SNX18: variants seen among roughly 807,000 people sequenced by gnomAD.
The protein encoded by SNX18 is sorting nexin-18.
A neutral mutation model predicts 48.7 loss-of-function variants in SNX18; 35 were observed. That is an observed-to-expected ratio of 0.72 (90% confidence interval 0.55 to 0.95). The LOEUF (loss-of-function observed/expected upper bound fraction) is 0.95. Ranked by LOEUF, SNX18 falls within the 40% of genes least tolerant of loss-of-function variation. SNX18 has a pLI of 0.00. For missense variants in SNX18, 824 were observed against 871.0 expected (o/e 0.95, Z 0.68); for synonymous variants, 492 against 384.7 (o/e 1.28, Z -3.26).
At chr5:54,556,414 T>C in the SNX18 span, among the ~76,000 whole-genome samples, 5 of 152,142 alleles carry the variant, frequency 3.3e-5, no homozygotes, top group African/African-American at 1.2e-4. Flanking sequence ...CCCTCCATCT[T>C]TAAAGTCAGC....
At chr5:54,643,186 T>C in the SNX18 span, among the ~76,000 whole-genome samples, 1 of 152,300 alleles carries the variant, frequency 6.6e-6, no homozygotes, top group Admixed American at 6.5e-5. Context: ...CACCAACATG[T>C]TCAGGTAGGA....
At chr5:54,558,536 T>G in the SNX18 span, among the ~76,000 whole-genome samples, 3 of 152,184 alleles carry the variant, frequency 2.0e-5, no homozygotes, top group Non-Finnish European at 4.4e-5. Flanking sequence ...CTGTAAGGGA[T>G]TGGACAAAGG....
At chr5:54,632,956 G>A in the SNX18 span, among the ~76,000 whole-genome samples, 1 of 151,874 alleles carries the variant, frequency 6.6e-6, no homozygotes, top group Non-Finnish European at 1.5e-5. Context: ...TGTATTTTTA[G>A]TAGAGATGGG....
At chr5:54,619,780 TTAAAAG>T in the SNX18 span, among the ~76,000 whole-genome samples, 1 of 152,030 alleles carries the variant, frequency 6.6e-6, no homozygotes, top group African/African-American at 2.4e-5. Context: ...ACTTTGGTAT[TTAAAAG>T]GGAAAGAGCA....
At chr5:54,524,367 G>T (rs1421658837) in intron 1 of SNX18, among the ~76,000 whole-genome samples, 1 of 152,132 alleles carries the variant, frequency 6.6e-6, no homozygotes, top group Non-Finnish European at 1.5e-5. Flanking sequence ...GGGACCGAAG[G>T]GAGGCAGAGG....
the SNX18 span, among the ~76,000 whole-genome samples, chr5:54,585,826 A>T: frequency 2.0e-5 from 3 of 151,418 alleles, no homozygotes; most frequent in East Asian, 3.9e-4. Context: ...ACATGGTGAA[A>T]CCCCGTCTCT....
the SNX18 span, among the ~76,000 whole-genome samples, chr5:54,646,887 C>T: frequency 6.6e-6 from 1 of 152,160 alleles, no homozygotes; most frequent in Admixed American, 6.5e-5. Context: ...TTCAACAGGC[C>T]TCCTGTTGTG....
At chr5:54,576,598 C>T in the SNX18 span, among the ~76,000 whole-genome samples, 424 of 152,300 alleles carry the variant, frequency 2.8e-3, no homozygotes, top group Middle Eastern at 0.014. Flanking sequence ...ATGGTGTCAA[C>T]GTTTCTTATG....
chr5:54,520,301 C>G (rs1349555921), intron 1 of SNX18: 1 of 178,202 alleles, frequency 5.6e-6, no homozygotes, highest in Non-Finnish European at 1.4e-5. Flanking sequence ...GTCCAACTAT[C>G]AGAGTTCATG....
At chr5:54,564,611 C>T in the SNX18 span, among the ~76,000 whole-genome samples, 1 of 152,182 alleles carries the variant, frequency 6.6e-6, no homozygotes, top group East Asian at 1.9e-4. Flanking sequence ...AATCCCAGCA[C>T]TTTGGGAGGC....
At chr5:54,592,892 C>T in the SNX18 span, among the ~76,000 whole-genome samples, 1 of 152,172 alleles carries the variant, frequency 6.6e-6, no homozygotes, top group Non-Finnish European at 1.5e-5. Flanking sequence ...CCTCCACCTC[C>T]CAGGTTCAAG....
chr5:54,612,505 T>G, the SNX18 span, among the ~76,000 whole-genome samples: 1 of 152,086 alleles, frequency 6.6e-6, no homozygotes. Context: ...CTTCATGATC[T>G]GCCGGTCTCG....
chr5:54,622,151 G>A, the SNX18 span, among the ~76,000 whole-genome samples: 1 of 152,206 alleles, frequency 6.6e-6, no homozygotes, highest in African/African-American at 2.4e-5. Flanking sequence ...TTACATAGTA[G>A]GAGGAAAATG....
the SNX18 span, among the ~76,000 whole-genome samples, chr5:54,577,094 C>T: frequency 1.3e-5 from 2 of 152,168 alleles, no homozygotes; most frequent in Non-Finnish European, 2.9e-5. Context: ...AGCCACCGTG[C>T]CCGGCCATAA....
At chr5:54,596,251 G>C in the SNX18 span, among the ~76,000 whole-genome samples, 20 of 151,694 alleles carry the variant, frequency 1.3e-4, no homozygotes, top group Admixed American at 5.3e-4. Context: ...TTTGAAAAAG[G>C]AATTGTATAA....
the SNX18 span, among the ~76,000 whole-genome samples, chr5:54,642,509 G>A: frequency 9.2e-5 from 14 of 152,214 alleles, no homozygotes; most frequent in African/African-American, 2.2e-4. Context: ...CAGGGTCAAC[G>A]TGGGGCAACT....
chr5:54,563,123 TTAAA>T, the SNX18 span, among the ~76,000 whole-genome samples: 4 of 152,184 alleles, frequency 2.6e-5, no homozygotes, highest in African/African-American at 4.8e-5. Flanking sequence ...TAAAAAAAGT[TTAAA>T]TAAAGTAAAA....
chr5:54,579,254 G>T, the SNX18 span, among the ~76,000 whole-genome samples: 1 of 151,838 alleles, frequency 6.6e-6, no homozygotes, highest in Non-Finnish European at 1.5e-5. Context: ...GAGGCAGGAG[G>T]ATTGCTTGAG....
chr5:54,639,314 A>G, the SNX18 span, among the ~76,000 whole-genome samples: 1 of 152,214 alleles, frequency 6.6e-6, no homozygotes. Flanking sequence ...AGAAAAAGCA[A>G]TGCATTAGAA....
Sources: gnomAD v4.1 joint callset for allele counts (sites outside exome capture counted in the v4.1 genomes callset) on GRCh38, gnomAD v4.1.1 for gene constraint, MANE v1.5 for transcripts, NCBI Gene and HGNC (gene_info 2026-07-23, HGNC 2026-07-21) for gene names.